KCNK2: variants seen among roughly 807,000 people sequenced by gnomAD.
KCNK2 encodes potassium channel subfamily K member 2.
Under a neutral mutation model 40.5 loss-of-function variants are expected in KCNK2, and 21 were observed. The ratio of observed to expected loss-of-function variants is 0.52; its 90% CI spans 0.37 to 0.75. KCNK2 has a LOEUF of 0.75. Among genes scored for constraint, KCNK2 ranks in the 30% least tolerant of loss-of-function variants. The probability of loss-of-function intolerance (pLI) is 0.00; values close to 1 mark genes in which losing one functional copy is unlikely to be tolerated. For synonymous variants in KCNK2, 191 were observed against 202.2 expected (o/e 0.94, Z 0.47); for missense variants, 399 against 531.6 (o/e 0.75, Z 2.45).
intron 1 of KCNK2, among the ~76,000 whole-genome samples, chr1:215,059,102 TACACAC>T (rs1042103279): frequency 6.8e-6 from 1 of 148,142 alleles, no homozygotes; most frequent in African/African-American, 2.5e-5. Flanking sequence ...TGTATATATA[TACACAC>T]ACATACATAT....
chr1:215,068,604 T>C (rs1658639983), intron 1 of KCNK2, among the ~76,000 whole-genome samples: 1 of 152,014 alleles, frequency 6.6e-6, no homozygotes, highest in Admixed American at 6.6e-5. Context: ...ATTCTATTAA[T>C]AGCTACACTT....
At chr1:215,220,849 A>T (rs540462020) in intron 6 of KCNK2, among the ~76,000 whole-genome samples, 7 of 152,242 alleles carry the variant, frequency 4.6e-5, no homozygotes, top group African/African-American at 1.7e-4. Flanking sequence ...TTCAGTTGTT[A>T]CTTTTGACTT....
intron 1 of KCNK2, among the ~76,000 whole-genome samples, chr1:215,055,006 G>A (rs1033395686): frequency 1.3e-5 from 2 of 152,176 alleles, no homozygotes; most frequent in East Asian, 1.9e-4. Context: ...TTAAAATTCT[G>A]TGGTAATTGG....
chr1:215,172,317 G>A, intron 5 of KCNK2, 134 bp downstream of exon 5: 1 of 767,138 alleles, frequency 1.3e-6, no homozygotes, highest in Non-Finnish European at 2.1e-6. Context: ...CATAAAGTGG[G>A]TGGCTTTAAA....
intron 5 of KCNK2, among the ~76,000 whole-genome samples, chr1:215,182,653 T>C (rs1310482166): frequency 6.6e-6 from 1 of 152,090 alleles, no homozygotes; most frequent in Non-Finnish European, 1.5e-5. Context: ...CTTTCCACAG[T>C]TTTGACTGTG....
chr1:215,084,221 C>CTCTT lies in KCNK2; in HGVS notation c.46+791_46+792insCTTT, dbSNP rs201844689. On this transcript the variant is annotated intron_variant, in intron 1 of 6. Transcript: ENST00000444842. Reference sequence around the variant, plus strand: ...ACACACACACACACACACACACACTCTTAAAAATACCTGCCCCTTTCCCCA... The same window carrying CTCTT: ...ACACACACACACACACACACACACTCTCTTTTAAAAATACCTGCCCCTTTCCCCA... 2.3e-3 allele frequency among the ~76,000 whole-genome samples: 334 copies of CTCTT among 145,958 alleles called. 4 individuals carry two copies. Among genetic ancestry groups the CTCTT allele is most frequent in the African/African-American group, 7.9e-3 (314 of 39,694 alleles).
intron 5 of KCNK2, among the ~76,000 whole-genome samples, chr1:215,175,812 G>A (rs1412683017): frequency 6.6e-6 from 1 of 152,062 alleles, no homozygotes; most frequent in Admixed American, 6.6e-5. Context: ...CATCCATGTT[G>A]CTGTAAAGGA....
chr1:215,155,030 G>T (rs886454440), intron 3 of KCNK2, among the ~76,000 whole-genome samples: 2 of 151,946 alleles, frequency 1.3e-5, no homozygotes, highest in Admixed American at 6.6e-5. Flanking sequence ...TACATTTAAA[G>T]AATTATTCTC....
chr1:215,177,740 A>ATATATATATATATTTT (rs71167812), intron 5 of KCNK2, among the ~76,000 whole-genome samples: 30 of 101,578 alleles, frequency 3.0e-4, no homozygotes, highest in African/African-American at 9.8e-4. Context: ...ATATATATAT[A>ATATATATATATATTTT]TTTTTTTTTT....
intron 1 of KCNK2, among the ~76,000 whole-genome samples, chr1:215,068,218 G>A (rs561117484): frequency 6.6e-6 from 1 of 152,096 alleles, no homozygotes; most frequent in South Asian, 2.1e-4. Flanking sequence ...CCTACTATGT[G>A]TTATGAGAAC....
chr1:215,084,543 TG>T (rs1659345203), intron 1 of KCNK2, among the ~76,000 whole-genome samples: 1 of 152,228 alleles, frequency 6.6e-6, no homozygotes, highest in Admixed American at 6.5e-5. Context: ...TAGGAGGTTG[TG>T]GGGAGTCTGC....
intron 2 of KCNK2, among the ~76,000 whole-genome samples, chr1:215,105,343 C>T (rs887740074): frequency 6.6e-5 from 10 of 152,066 alleles, no homozygotes; most frequent in East Asian, 1.9e-4. Context: ...TTTGTCCTTA[C>T]GTGATTGGTT....
intron 1 of KCNK2, among the ~76,000 whole-genome samples, chr1:215,068,549 C>A (rs1230077418): frequency 6.6e-6 from 1 of 152,118 alleles, no homozygotes; most frequent in East Asian, 1.9e-4. Flanking sequence ...CTTAGCATTC[C>A]ATTGTTGGGG....
chr1:215,209,424 T>TATATATATATAAA (rs1558140065), intron 6 of KCNK2, among the ~76,000 whole-genome samples: 1 of 54,886 alleles, frequency 1.8e-5, no homozygotes, highest in Non-Finnish European at 2.9e-5. Context: ...TTATATATAA[T>TATATATATATAAA]ATATATAATA....
upstream of KCNK2, among the ~76,000 whole-genome samples, chr1:215,079,516 C>G (rs891590428): frequency 7.2e-5 from 11 of 152,106 alleles, no homozygotes; most frequent in Admixed American, 2.0e-4. Flanking sequence ...ATTAAAAGTG[C>G]TTACATATTT....
chr1:215,062,584 A>T (rs138618853), intron 1 of KCNK2, among the ~76,000 whole-genome samples: 65 of 151,088 alleles, frequency 4.3e-4, no homozygotes, highest in African/African-American at 1.5e-3. Flanking sequence ...TGATTTAGAT[A>T]CTATCTAAAT....
intron 1 of KCNK2, among the ~76,000 whole-genome samples, chr1:215,040,152 G>A (rs1657518009): frequency 6.6e-6 from 1 of 152,074 alleles, no homozygotes; most frequent in Admixed American, 6.5e-5. Context: ...ATCTGGGTTG[G>A]ATGTGAACTC....
In KCNK2 at chr1:215,007,143, G is replaced by A. The variant is rs192624815; in HGVS notation, c.34+1188G>A. ...TATGTATATATATGTGTATATATAT[G>A]TGTATATATATATGTATGTATATAT... On this transcript the variant is annotated intron_variant, in intron 1 of 6. Transcript: ENST00000391895. 5.0e-3 allele frequency among the ~76,000 whole-genome samples: 566 copies of A among 113,236 alleles called. 32 individuals are homozygous for A. Among genetic ancestry groups the A allele is most frequent in the African/African-American group, 0.023 (538 of 23,096 alleles). The allele number at this position is 113,236 out of a possible 152,430, so 74.3% of individuals were successfully genotyped here. A position where few individuals can be genotyped will look rare whatever the true frequency, so the allele number is the denominator to read the frequency against.
chr1:215,219,587 C>G (rs560459075), intron 6 of KCNK2, among the ~76,000 whole-genome samples: 1 of 152,168 alleles, frequency 6.6e-6, no homozygotes, highest in African/African-American at 2.4e-5. Flanking sequence ...TCCCATGACT[C>G]ATGTTATTAA....
Sources: allele counts gnomAD v4.1 joint callset (sites outside exome capture counted in the v4.1 genomes callset), GRCh38; gene constraint gnomAD v4.1.1; transcripts MANE v1.5; gene names NCBI Gene and HGNC (gene_info 2026-07-23, HGNC 2026-07-21).